ADK: variants seen among roughly 807,000 people sequenced by gnomAD.
ADK encodes the protein N6,N6-dimethyladenosine kinase.
Under a neutral mutation model 44.7 loss-of-function variants are expected in ADK, and 24 were observed. The observed-to-expected ratio is 0.54, with a 90% CI of 0.39 to 0.76. The LOEUF (loss-of-function observed/expected upper bound fraction) is 0.76. Ranked by LOEUF, ADK falls within the 30% of genes least tolerant of loss-of-function variation. The pLI, the probability that ADK is intolerant of heterozygous loss-of-function variation, is 0.00. For synonymous variants in ADK, 128 were observed against 142.6 expected (o/e 0.90, Z 0.73); for missense variants, 321 against 425.1 (o/e 0.76, Z 2.15).
intron 3 of ADK, among the ~76,000 whole-genome samples, chr10:74,235,479 T>G (rs551144071): frequency 4.6e-5 from 7 of 152,256 alleles, no homozygotes; most frequent in African/African-American, 1.7e-4. Context: ...CCTTTTTGTA[T>G]TTTTAGTAGA....
intron 7 of ADK, among the ~76,000 whole-genome samples, chr10:74,553,586 T>C (rs937553981): frequency 8.5e-5 from 13 of 152,148 alleles, no homozygotes; most frequent in African/African-American, 3.1e-4. Flanking sequence ...CTCAGGAACA[T>C]TATGTTGAAC....
intron 6 of ADK, among the ~76,000 whole-genome samples, chr10:74,417,348 G>T (rs1351616218): frequency 6.6e-6 from 1 of 152,010 alleles, no homozygotes; most frequent in Non-Finnish European, 1.5e-5. Flanking sequence ...TTCCTTTATA[G>T]ATATTCCCTA....
chr10:74,409,287 A>C (rs771947879), intron 6 of ADK, among the ~76,000 whole-genome samples: 15 of 152,182 alleles, frequency 9.9e-5, no homozygotes, highest in Non-Finnish European at 2.1e-4. Context: ...TCACCATGCA[A>C]GTTTAGGCTT....
At chr10:74,410,989 A>C (rs1427461255) in intron 6 of ADK, among the ~76,000 whole-genome samples, 1 of 152,126 alleles carries the variant, frequency 6.6e-6, no homozygotes, top group African/African-American at 2.4e-5. Context: ...ACCTTTTATC[A>C]TTGTTCCAAG....
intron 4 of ADK, chr10:74,344,496 C>G (rs547650968): frequency 4.5e-6 from 1 of 220,680 alleles, no homozygotes; most frequent in Admixed American, 4.3e-5. Flanking sequence ...GTATCAGATG[C>G]ATACTCATTT....
chr10:74,213,603 G>T (rs1196659475), intron 2 of ADK, among the ~76,000 whole-genome samples: 1 of 152,142 alleles, frequency 6.6e-6, no homozygotes, highest in Admixed American at 6.6e-5. Flanking sequence ...TAAAGAATGA[G>T]TATAGAATGA....
intron 6 of ADK, among the ~76,000 whole-genome samples, chr10:74,497,348 G>A (rs887555065): frequency 5.3e-5 from 8 of 152,154 alleles, no homozygotes; most frequent in Admixed American, 4.6e-4. Context: ...TGTTTTTGTA[G>A]ATTTATTTTT....
At chr10:74,701,503 A>G (rs1856416297) in intron 10 of ADK, among the ~76,000 whole-genome samples, 1 of 152,258 alleles carries the variant, frequency 6.6e-6, no homozygotes, top group Admixed American at 6.5e-5. Context: ...ACATTATGCC[A>G]GAACATAAAG....
chr10:74,329,167 C>T (rs1841132176), intron 4 of ADK, among the ~76,000 whole-genome samples: 1 of 146,582 alleles, frequency 6.8e-6, no homozygotes, highest in South Asian at 2.2e-4. Flanking sequence ...GACAACAATT[C>T]CTACCCTTCC....
intron 9 of ADK, among the ~76,000 whole-genome samples, chr10:74,628,412 G>A (rs1853294384): frequency 6.6e-6 from 1 of 151,956 alleles, no homozygotes; most frequent in African/African-American, 2.4e-5. Flanking sequence ...AATGGTCCAG[G>A]AATGAGGCAT....
At chr10:74,261,819 A>T (rs1233819583) in intron 3 of ADK, among the ~76,000 whole-genome samples, 1 of 151,054 alleles carries the variant, frequency 6.6e-6, no homozygotes, top group Non-Finnish European at 1.5e-5. Flanking sequence ...GGCATTTCTC[A>T]ATGTGATTTT....
intron 9 of ADK, among the ~76,000 whole-genome samples, chr10:74,643,730 G>A (rs192933286): frequency 2.2e-4 from 34 of 152,238 alleles, no homozygotes; most frequent in African/African-American, 8.2e-4. Flanking sequence ...TTGAAGTATA[G>A]GATGATTCAT....
chr10:74,172,680 A>C, intron 1 of ADK, among the ~76,000 whole-genome samples: 1 of 127,532 alleles, frequency 7.8e-6, no homozygotes, highest in Admixed American at 8.2e-5. Context: ...CAAGAGTGAA[A>C]CTCCATCTCA....
intron 1 of ADK, among the ~76,000 whole-genome samples, chr10:74,153,203 G>T (rs1400921498): frequency 6.6e-6 from 1 of 152,212 alleles, no homozygotes; most frequent in Non-Finnish European, 1.5e-5. Context: ...TTAGGGATTT[G>T]TGAGAATTTG....
At chr10:74,567,690 GTTTTTTTTGTTTTTT>G (rs1850726139) in intron 7 of ADK, among the ~76,000 whole-genome samples, 1 of 122,772 alleles carries the variant, frequency 8.1e-6, no homozygotes. Flanking sequence ...TGTTTTTTTT[GTTTTTTTTGTTTTTT>G]TTTTTTTTTT....
chr10:74,623,444 C>A (rs1853070555), intron 9 of ADK, among the ~76,000 whole-genome samples: 1 of 151,928 alleles, frequency 6.6e-6, no homozygotes. Context: ...TCCAGAGGCC[C>A]TTTGACCCAA....
intron 1 of ADK, among the ~76,000 whole-genome samples, chr10:74,171,087 G>A (rs1284629988): frequency 1.3e-5 from 2 of 151,584 alleles, no homozygotes; most frequent in Non-Finnish European, 2.9e-5. Context: ...ATTTTCTTAT[G>A]TCCCTAAAAA....
At chr10:74,479,430 C>A (rs192445756) in intron 6 of ADK, among the ~76,000 whole-genome samples, 24 of 149,790 alleles carry the variant, frequency 1.6e-4, no homozygotes, top group African/African-American at 5.9e-4. Context: ...TCTCCCTACC[C>A]CTCTCTTTTA....
intron 4 of ADK, among the ~76,000 whole-genome samples, chr10:74,378,192 C>A (rs1842871938): frequency 6.6e-6 from 1 of 152,044 alleles, no homozygotes; most frequent in South Asian, 2.1e-4. Context: ...ATCCCAGCCC[C>A]TTGAGCCCAG....
Sources: allele counts gnomAD v4.1 joint callset (sites outside exome capture counted in the v4.1 genomes callset), GRCh38; gene constraint gnomAD v4.1.1; transcripts MANE v1.5; gene names NCBI Gene and HGNC (gene_info 2026-07-23, HGNC 2026-07-21).